The following FXN variants were observed in gnomAD, a reference collection of about 807,000 sequenced individuals.
FXN encodes the protein frataxin.
Under a neutral mutation model 22.4 loss-of-function variants are expected in FXN, and 14 were observed. That is an observed-to-expected ratio of 0.62 (90% CI 0.41 to 0.98). The LOEUF (loss-of-function observed/expected upper bound fraction) is 0.98. FXN is among the 50% of genes least tolerant of loss of function. FXN has a pLI of 0.00. For synonymous variants in FXN, 120 were observed against 114.1 expected (o/e 1.05, Z -0.33); for missense variants, 267 against 268.4 (o/e 0.99, Z 0.04).
At chr9:69,065,089 T>C in intron 4 of FXN, 54 bp downstream of exon 4, 2 of 1,346,340 alleles carry the variant, frequency 1.5e-6, no homozygotes, top group Non-Finnish European at 2.1e-6. Flanking sequence ...ACTTCCGAAA[T>C]GTGACATTGT....
chr9:69,070,096 A>G (rs149220567), intron 4 of FXN, among the ~76,000 whole-genome samples: 4,237 of 151,970 alleles, frequency 0.028, 191 homozygotes, highest in African/African-American at 0.096. Context: ...GGGTGTGGTG[A>G]TGCATGCCTG....
intron 1 of FXN, among the ~76,000 whole-genome samples, chr9:69,043,207 TAA>T (rs369921239): frequency 3.9e-5 from 6 of 152,220 alleles, no homozygotes; most frequent in Non-Finnish European, 8.8e-5. Context: ...TGTCATAGTG[TAA>T]ACTGTGTCCT....
At chr9:69,047,043 T>A (rs924410880) in intron 2 of FXN, among the ~76,000 whole-genome samples, 1 of 152,196 alleles carries the variant, frequency 6.6e-6, no homozygotes, top group Admixed American at 6.5e-5. Flanking sequence ...TGGTGTGGCC[T>A]TAGCTGACTG....
Position 69,059,838 on chromosome 9 carries a change from G to A in FXN, c.385-5100G>A, listed in dbSNP as rs147638291. 5.9e-5 allele frequency among the ~76,000 whole-genome samples: 9 copies of A among 152,298 alleles called. No homozygotes were observed. In the East Asian group the frequency reaches 1.7e-3, roughly 29 times the overall value. ...TGCAGTTTCCTCAGCTATGAGATGA[G>A]TGACATTAACCTCCTCTCTTCAGAT... is the stretch of plus-strand genomic sequence containing the variant. On this transcript the variant is annotated intron_variant, in intron 3 of 4. Transcript: ENST00000484259.
chr9:69,074,966 T>A lies in FXN; in HGVS notation c.*2204T>A, dbSNP rs1832340557. The A allele has an allele frequency of 1.0e-6, 1 of 985,324 alleles. No homozygotes were observed. Among genetic ancestry groups the A allele is most frequent in the Admixed American group, 6.1e-5 (1 of 16,268 alleles). The allele number at this position is 985,324 out of a possible 1,614,324, so 61.0% of individuals were successfully genotyped here. On this transcript the variant is annotated 3_prime_UTR_variant, in exon 5 of 5. Coordinates refer to ENST00000484259, the MANE Select transcript of FXN (RefSeq NM_000144.5). ...ACTTACTTAGAACTCGGTGACATGATGTACTCCTTTATCTGGGACACAGCA... is the reference window on the plus strand; with the variant it reads ...ACTTACTTAGAACTCGGTGACATGAAGTACTCCTTTATCTGGGACACAGCA...
intron 1 of FXN, 58 bp downstream of exon 1, chr9:69,036,005 GCCTGCGCAGGGA>G: frequency 7.9e-7 from 1 of 1,268,546 alleles, no homozygotes; most frequent in South Asian, 2.5e-5. Context: ...CACGCCGCAC[GCCTGCGCAGGGA>G]GGCGCCGCGC....
At chr9:69,041,573 AGTG>A (rs1360849586) in intron 1 of FXN, among the ~76,000 whole-genome samples, 12 of 152,206 alleles carry the variant, frequency 7.9e-5, no homozygotes, top group Non-Finnish European at 1.8e-4. Context: ...TGATGCCAAA[AGTG>A]GTGGTGCCAG....
At chr9:69,044,870 A>C (rs575113738) in intron 1 of FXN, among the ~76,000 whole-genome samples, 1 of 152,374 alleles carries the variant, frequency 6.6e-6, no homozygotes, top group African/African-American at 2.4e-5. Flanking sequence ...TGTCCTGCAG[A>C]TCATGATAAT....
intron 4 of FXN, among the ~76,000 whole-genome samples, chr9:69,066,892 C>G (rs1247018653): frequency 1.3e-5 from 2 of 150,652 alleles, no homozygotes; most frequent in African/African-American, 2.4e-5. Context: ...ATATGGGGGA[C>G]GGGGCAGGTT....
Position 69,056,117 on chromosome 9 carries a change from G to A in FXN, c.384+2857G>A, listed in dbSNP as rs549183797. ...TGGTCTCAAACTCCTGGCCTCAAGC[G>A]ATTCTCTCACCTCGGCCTCCCAAAG... On this transcript the variant is annotated intron_variant, in intron 3 of 4. Transcript: ENST00000484259. 2.4e-3 allele frequency among the ~76,000 whole-genome samples: 369 copies of A among 152,164 alleles called. 3 individuals are homozygous for A. The highest frequency in any genetic ancestry group is 8.7e-3 in the African/African-American group (363 of 41,526).
In FXN at chr9:69,047,336, G is replaced by GACACACACACACAGACACAC. The variant is rs1194551640; in HGVS notation, c.263+868_263+887dup. Among the ~76,000 whole-genome samples, 37 of 146,766 alleles carry GACACACACACACAGACACAC rather than the reference G, an allele frequency of 2.5e-4. No individual in the cohort carries two copies. In the South Asian group the frequency reaches 7.8e-3, roughly 31 times the overall value. ...TTCTTCTGATCTACACACAGACACA[G>GACACACACACACAGACACAC]ACACACACACACAGACACACACACA... On this transcript the variant is annotated intron_variant, in intron 2 of 4. Transcript: ENST00000484259.
chr9:69,070,800 TTG>T (rs900539164), intron 4 of FXN, among the ~76,000 whole-genome samples: 4 of 104,986 alleles, frequency 3.8e-5, no homozygotes, highest in Non-Finnish European at 8.0e-5. Context: ...GATTTTTGTT[TTG>T]TTTTTTTTTT....
In FXN at chr9:69,035,858, C is replaced by G; in HGVS notation, c.76C>G (p.Arg26Gly). 6.7e-7 allele frequency: 1 copy of G among 1,497,902 alleles called. No individual in the cohort carries two copies. Among genetic ancestry groups the G allele is most frequent in the South Asian group, 1.2e-5 (1 of 80,180 alleles). 92.8% of individuals were successfully genotyped at this position (1,497,902 alleles called of 1,614,324 possible). ...PSPAQAQTLT[R>G]VPRPAELAPL... ...CCCAGCCCAGGCCCAGACCCTCACCCGGGTCCCGCGGCCGGCAGAGTTGGC... is the reference window on the plus strand; with the variant it reads ...CCCAGCCCAGGCCCAGACCCTCACCGGGGTCCCGCGGCCGGCAGAGTTGGC... Residue 26 changes from arginine (R) to glycine (G), a missense_variant, in exon 1 of 5, where the codon CGG (arginine) becomes GGG (glycine). Transcript: ENST00000484259.
Position 69,079,038 on chromosome 9 carries a change from T to C in FXN, c.*6276T>C. On this transcript the variant is annotated 3_prime_UTR_variant, in exon 5 of 5. Coordinates refer to ENST00000484259, the MANE Select transcript of FXN (RefSeq NM_000144.5). ...CAAATAAATGTGTTATAATTATATGTTTAAGATAGTTGTTCAAATAAACTC... is the reference window on the plus strand; with the variant it reads ...CAAATAAATGTGTTATAATTATATGCTTAAGATAGTTGTTCAAATAAACTC... The C allele has an allele frequency of 1.1e-6, 1 of 875,954 alleles. No individual in the cohort carries two copies. The highest frequency in any genetic ancestry group is 1.2e-4 in the East Asian group (1 of 8,266). 54.3% of individuals were successfully genotyped at this position (875,954 alleles called of 1,614,324 possible).
chr9:69,048,986 C>T (rs1306939858), intron 2 of FXN, among the ~76,000 whole-genome samples: 1 of 152,240 alleles, frequency 6.6e-6, no homozygotes, highest in African/African-American at 2.4e-5. Flanking sequence ...CCAGCCTCGG[C>T]TTCCGGCATT....
chr9:69,065,414 G>A (rs1366666512), intron 4 of FXN, among the ~76,000 whole-genome samples: 9 of 151,856 alleles, frequency 5.9e-5, no homozygotes, highest in East Asian at 1.9e-4. Context: ...GGTGGCACAC[G>A]CCTATAGTCC....
intron 2 of FXN, among the ~76,000 whole-genome samples, chr9:69,047,495 G>A (rs1831780163): frequency 6.6e-6 from 1 of 152,148 alleles, no homozygotes; most frequent in Admixed American, 6.5e-5. Flanking sequence ...CTCTGCCCTG[G>A]CAGAGGAGCA....
intron 3 of FXN, among the ~76,000 whole-genome samples, chr9:69,062,255 G>A (rs1832088597): frequency 6.6e-6 from 1 of 152,038 alleles, no homozygotes; most frequent in South Asian, 2.1e-4. Flanking sequence ...GTGACTATAG[G>A]TGCGCACCAC....
At chr9:69,049,107 G>A (rs1049224157) in intron 2 of FXN, among the ~76,000 whole-genome samples, 1 of 152,124 alleles carries the variant, frequency 6.6e-6, no homozygotes, top group African/African-American at 2.4e-5. Context: ...TGGCCTCTGG[G>A]AAGCACACCC....
Sources: gnomAD v4.1 joint callset for allele counts (sites outside exome capture counted in the v4.1 genomes callset) on GRCh38, gnomAD v4.1.1 for gene constraint, MANE v1.5 for transcripts, NCBI Gene and HGNC (gene_info 2026-07-23, HGNC 2026-07-21) for gene names.